RALGPS2: variants seen among roughly 807,000 people sequenced by gnomAD.
RALGPS2 encodes ras-specific guanine nucleotide-releasing factor RalGPS2.
Under a neutral mutation model 86.8 loss-of-function variants are expected in RALGPS2, and 43 were observed. The ratio of observed to expected loss-of-function variants is 0.50; its 90% confidence interval spans 0.39 to 0.64. The LOEUF is 0.64. Among genes scored for constraint, RALGPS2 ranks in the 30% least tolerant of loss-of-function variants. The pLI is 0.00. For synonymous variants in RALGPS2, 243 were observed against 231.3 expected (o/e 1.05, Z -0.46); for missense variants, 536 against 694.6 (o/e 0.77, Z 2.57).
intron 1 of RALGPS2, among the ~76,000 whole-genome samples, chr1:178,773,721 G>C (rs1399046452): frequency 6.6e-6 from 1 of 151,442 alleles, no homozygotes; most frequent in African/African-American, 2.4e-5. Context: ...GTGTGAACCC[G>C]GGAGATGGAG....
chr1:178,837,050 G>A (rs1299219547), intron 8 of RALGPS2, among the ~76,000 whole-genome samples: 2 of 151,950 alleles, frequency 1.3e-5, no homozygotes, highest in Non-Finnish European at 2.9e-5. Context: ...CAAAGTGCTG[G>A]GATTACAGGT....
At chr1:178,761,314 A>G (rs1458205991) in intron 1 of RALGPS2, among the ~76,000 whole-genome samples, 2 of 151,834 alleles carry the variant, frequency 1.3e-5, no homozygotes, top group Non-Finnish European at 2.9e-5. Context: ...TTGCTGTCCC[A>G]GCTATTCGGG....
At chr1:178,825,459 A>C (rs186331576) in intron 7 of RALGPS2, among the ~76,000 whole-genome samples, 1 of 152,276 alleles carries the variant, frequency 6.6e-6, no homozygotes, top group East Asian at 1.9e-4. Context: ...GGTAGAAGAT[A>C]AGATCATTGG....
intron 15 of RALGPS2, 53 bp downstream of exon 15, chr1:178,892,360 T>C: frequency 1.4e-6 from 2 of 1,461,970 alleles, no homozygotes; most frequent in African/African-American, 1.4e-5. Context: ...GTGTTGGTGA[T>C]TGGCTTACAT....
intron 16 of RALGPS2, 25 bp downstream of exon 16, chr1:178,894,049 T>TTAGAGGTGTATTAA: frequency 7.4e-7 from 1 of 1,352,352 alleles, no homozygotes; most frequent in Non-Finnish European, 1.0e-6. Context: ...TATTATATTT[T>TTAGAGGTGTATTAA]AATACACCTC....
At chr1:178,908,580 A>G (rs1660481905) in intron 19 of RALGPS2, among the ~76,000 whole-genome samples, 1 of 152,116 alleles carries the variant, frequency 6.6e-6, no homozygotes, top group African/African-American at 2.4e-5. Flanking sequence ...AACCTTGCCA[A>G]CATCTGTTAT....
intron 1 of RALGPS2, among the ~76,000 whole-genome samples, chr1:178,758,328 A>AAT (rs1056213082): frequency 6.6e-6 from 1 of 152,162 alleles, no homozygotes; most frequent in Non-Finnish European, 1.5e-5. Context: ...AGAGGCATAC[A>AAT]GTGCGTAATA....
At chr1:178,816,830 T>C (rs1321077053) in intron 6 of RALGPS2, among the ~76,000 whole-genome samples, 3 of 151,464 alleles carry the variant, frequency 2.0e-5, no homozygotes, top group Non-Finnish European at 2.9e-5. Context: ...TGCCTCAGCC[T>C]CCCAAGTAGC....
At chr1:178,906,599 CTCTT>C (rs1660397169) in intron 18 of RALGPS2, among the ~76,000 whole-genome samples, 173 bp from the exon 19 acceptor site, 1 of 151,986 alleles carries the variant, frequency 6.6e-6, no homozygotes, top group Non-Finnish European at 1.5e-5. Flanking sequence ...GCATCGAGAA[CTCTT>C]TATTGTATTG....
chr1:178,786,886 A>G (rs1251873623), intron 4 of RALGPS2, among the ~76,000 whole-genome samples: 1 of 151,994 alleles, frequency 6.6e-6, no homozygotes, highest in Non-Finnish European at 1.5e-5. Context: ...GTGATTTTCA[A>G]GTAAGTTACT....
At chr1:178,779,371 A>T (rs970514687) in intron 2 of RALGPS2, among the ~76,000 whole-genome samples, 3 of 152,106 alleles carry the variant, frequency 2.0e-5, no homozygotes, top group Non-Finnish European at 4.4e-5. Context: ...CTCTTAGTAT[A>T]TTGGATGAGA....
chr1:178,769,376 A>G (rs1028075101), intron 1 of RALGPS2, among the ~76,000 whole-genome samples: 2 of 151,724 alleles, frequency 1.3e-5, no homozygotes, highest in African/African-American at 4.8e-5. Context: ...TGCAGTAGAG[A>G]GGGCCCTACT....
At chr1:178,738,195 A>G (rs1228531457) in intron 1 of RALGPS2, among the ~76,000 whole-genome samples, 1 of 143,832 alleles carries the variant, frequency 7.0e-6, no homozygotes, top group Admixed American at 6.9e-5. Context: ...TTTCTAATAG[A>G]TGGATATCTT....
chr1:178,806,079 A>AAT (rs1223417793), intron 4 of RALGPS2, among the ~76,000 whole-genome samples: 1 of 151,346 alleles, frequency 6.6e-6, no homozygotes, highest in Admixed American at 6.6e-5. Flanking sequence ...GAGGATTCCC[A>AAT]ATATATATAT....
chr1:178,854,540 G>C (rs1657402261), intron 8 of RALGPS2, among the ~76,000 whole-genome samples: 1 of 152,058 alleles, frequency 6.6e-6, no homozygotes, highest in Non-Finnish European at 1.5e-5. Flanking sequence ...TACATTTCAG[G>C]AATGTTAGCA....
intron 1 of RALGPS2, among the ~76,000 whole-genome samples, chr1:178,736,672 C>T (rs987724500): frequency 1.3e-5 from 2 of 151,912 alleles, no homozygotes; most frequent in African/African-American, 2.4e-5. Flanking sequence ...CCAAGGTGGG[C>T]GGATTGCTTG....
intron 19 of RALGPS2, among the ~76,000 whole-genome samples, chr1:178,912,128 A>G (rs1292104627): frequency 6.6e-6 from 1 of 152,118 alleles, no homozygotes; most frequent in Non-Finnish European, 1.5e-5. Context: ...AAGATAGCAG[A>G]CAGTTGGGTC....
chr1:178,839,455 C>A (rs1484329953), intron 8 of RALGPS2, among the ~76,000 whole-genome samples: 1 of 152,060 alleles, frequency 6.6e-6, no homozygotes, highest in African/African-American at 2.4e-5. Context: ...TACAGACAAG[C>A]AAATGCTGAG....
At chr1:178,805,635 A>G (rs538207875) in intron 4 of RALGPS2, among the ~76,000 whole-genome samples, 2 of 152,196 alleles carry the variant, frequency 1.3e-5, no homozygotes, top group African/African-American at 2.4e-5. Context: ...TTCACATAAT[A>G]TATCTAAATC....
Sources: gnomAD v4.1 joint callset for allele counts (sites outside exome capture counted in the v4.1 genomes callset) on GRCh38, gnomAD v4.1.1 for gene constraint, MANE v1.5 for transcripts, NCBI Gene and HGNC (gene_info 2026-07-23, HGNC 2026-07-21) for gene names.